LOC128462377: variants seen among roughly 807,000 people sequenced by gnomAD.
chr16:89,324,296 C>T, the LOC128462377 span: 2 of 1,263,168 alleles, frequency 1.6e-6, no homozygotes, highest in Non-Finnish European at 1.0e-6. Context: ...GAACACGGAC[C>T]ACCCGACAGG....
chr16:89,318,388 C>A, the LOC128462377 span, among the ~76,000 whole-genome samples: 1 of 152,224 alleles, frequency 6.6e-6, no homozygotes, highest in African/African-American at 2.4e-5. Flanking sequence ...GCCGCACCGT[C>A]AGTTAGAAAA....
At chr16:89,395,525 C>T in the LOC128462377 span, among the ~76,000 whole-genome samples, 3 of 152,192 alleles carry the variant, frequency 2.0e-5, no homozygotes, top group East Asian at 1.9e-4. Context: ...AACGGGGAAC[C>T]GAATCTTACT....
chr16:89,380,921 C>T, the LOC128462377 span, among the ~76,000 whole-genome samples: 5 of 152,278 alleles, frequency 3.3e-5, no homozygotes, highest in African/African-American at 4.8e-5. Flanking sequence ...GGCAGGCAGA[C>T]GGAGCACGCA....
chr16:89,341,206 G>T, the LOC128462377 span, among the ~76,000 whole-genome samples: 1 of 152,218 alleles, frequency 6.6e-6, no homozygotes, highest in East Asian at 1.9e-4. Flanking sequence ...GAGATCCGCG[G>T]AGAAGACTGG....
At chr16:89,338,922 T>C in the LOC128462377 span, among the ~76,000 whole-genome samples, 1 of 152,106 alleles carries the variant, frequency 6.6e-6, no homozygotes, top group East Asian at 1.9e-4. Flanking sequence ...CACCCAGATA[T>C]AAATGCGTAA....
At chr16:89,317,215 C>A in the LOC128462377 span, 1 of 699,716 alleles carries the variant, frequency 1.4e-6, no homozygotes. Flanking sequence ...CCGGGCCAGG[C>A]CCAGGAAGGG....
At chr16:89,355,916 G>A in the LOC128462377 span, among the ~76,000 whole-genome samples, 1 of 152,156 alleles carries the variant, frequency 6.6e-6, no homozygotes, top group Non-Finnish European at 1.5e-5. Flanking sequence ...CAGCTCGGGA[G>A]ACCAGGGCTC....
the LOC128462377 span, among the ~76,000 whole-genome samples, chr16:89,399,656 T>C: frequency 2.7e-4 from 41 of 152,166 alleles, no homozygotes; most frequent in Non-Finnish European, 5.0e-4. Context: ...TCGTGCGGCC[T>C]GTGGGTGATG....
chr16:89,395,346 C>G, the LOC128462377 span, among the ~76,000 whole-genome samples: 1 of 152,200 alleles, frequency 6.6e-6, no homozygotes, highest in Non-Finnish European at 1.5e-5. Flanking sequence ...GGAACCCTGA[C>G]GGCAAGCTGT....
At chr16:89,412,921 G>C in the LOC128462377 span, among the ~76,000 whole-genome samples, 1 of 152,188 alleles carries the variant, frequency 6.6e-6, no homozygotes, top group Admixed American at 6.5e-5. Context: ...CAGGTCAGCA[G>C]AGGTCCCAGC....
chr16:89,328,535 C>T, the LOC128462377 span, among the ~76,000 whole-genome samples: 1 of 151,848 alleles, frequency 6.6e-6, no homozygotes, highest in African/African-American at 2.4e-5. Context: ...TACACCCAAG[C>T]GTATGGGTGA....
the LOC128462377 span, among the ~76,000 whole-genome samples, chr16:89,405,491 ATTTTTTTTTT>A: frequency 9.0e-6 from 1 of 111,474 alleles, no homozygotes; most frequent in Non-Finnish European, 1.8e-5. Context: ...CACCTGGCTC[ATTTTTTTTTT>A]TTTTTTTTTT....
At chr16:89,330,092 A>T in the LOC128462377 span, among the ~76,000 whole-genome samples, 1 of 152,234 alleles carries the variant, frequency 6.6e-6, no homozygotes, top group Non-Finnish European at 1.5e-5. Flanking sequence ...ATAATGTTTA[A>T]AATGATTTAA....
At chr16:89,384,874 G>GTTT in the LOC128462377 span, among the ~76,000 whole-genome samples, 105 of 72,750 alleles carry the variant, frequency 1.4e-3, 4 homozygotes, top group African/African-American at 5.2e-3. Flanking sequence ...ATGAGAAATA[G>GTTT]TTTTCTTTTT....
At chr16:89,326,271 G>A in the LOC128462377 span, among the ~76,000 whole-genome samples, 1 of 152,192 alleles carries the variant, frequency 6.6e-6, no homozygotes, top group African/African-American at 2.4e-5. Context: ...GAAGTGACCA[G>A]CAGAGAGAAA....
the LOC128462377 span, among the ~76,000 whole-genome samples, chr16:89,322,407 T>A: frequency 6.6e-6 from 1 of 152,174 alleles, no homozygotes; most frequent in Admixed American, 6.5e-5. Context: ...CAACCACTAG[T>A]TTGTGTAATG....
the LOC128462377 span, among the ~76,000 whole-genome samples, chr16:89,319,822 A>T: frequency 2.6e-5 from 4 of 152,318 alleles, no homozygotes; most frequent in Admixed American, 1.3e-4. Flanking sequence ...TCAATGAGAG[A>T]CCAGATGAGG....
At chr16:89,387,692 GAA>G in the LOC128462377 span, among the ~76,000 whole-genome samples, 1 of 67,496 alleles carries the variant, frequency 1.5e-5, no homozygotes. Context: ...AAAAGAAAAA[GAA>G]AAAAAAAAAA....
the LOC128462377 span, among the ~76,000 whole-genome samples, chr16:89,391,529 G>C: frequency 6.6e-6 from 1 of 152,178 alleles, no homozygotes; most frequent in African/African-American, 2.4e-5. Flanking sequence ...TGCGTTTTCT[G>C]TGTTGACTGT....
Sources: gnomAD v4.1 joint callset for allele counts (sites outside exome capture counted in the v4.1 genomes callset) on GRCh38, gnomAD v4.1.1 for gene constraint, MANE v1.5 for transcripts.